Variants in MYBBP1A observed in about 807,000 individuals in gnomAD.
MYBBP1A encodes MYB binding protein 1a, also known as myb-binding protein 1A.
In MYBBP1A, 147 loss-of-function variants were observed where a neutral mutation model predicts 136.3. That is an observed-to-expected ratio of 1.08 (90% CI 0.94 to 1.24). The LOEUF is 1.24. Ranked by LOEUF, MYBBP1A falls within the 50% of genes most tolerant of loss-of-function variation. The pLI is 0.00. For missense variants in MYBBP1A, 2,060 were observed against 1,727.4 expected, an observed-to-expected ratio of 1.19 and a Z score of -3.41; for synonymous variants, 947 against 735.8, an observed-to-expected ratio of 1.29 and a Z score of -4.65.
At position 4,539,896 on chromosome 17, in the gene MYBBP1A, C is replaced by G; in HGVS notation, c.3506G>C (p.Arg1169Pro). ...SATQSPISKKRKKKGFLPETK... is the reference protein window; with the variant it reads ...SATQSPISKKPKKKGFLPETK... ...CTCTGGCAAGAATCCCTTTTTCTTC[C>G]GCTTCTTACTGATGGGGCTCTGGGT... is the stretch of plus-strand genomic sequence containing the variant. Residue 1169 changes from arginine to proline, a missense_variant, in exon 26 of 26, where the codon CGG (arginine) becomes CCG (proline). Physicochemically the swap from Arg to Pro is moderately radical, Grantham distance 103. Coordinates refer to ENST00000254718, the MANE Select transcript of MYBBP1A (RefSeq NM_014520.4). 1 of 1,601,498 alleles carries G rather than the reference C, an allele frequency of 6.2e-7. No homozygotes were observed. Among genetic ancestry groups the G allele is most frequent in the Non-Finnish European group, 8.5e-7 (1 of 1,179,942 alleles).
rs779050285 is a variant in MYBBP1A at position 4,548,482 on chromosome 17, C to T, written c.1556+42G>A. On this transcript the variant is annotated intron_variant, in intron 11 of 25. Transcript: ENST00000254718. The surrounding 1 kb of genome is among the most constrained non-coding windows in gnomAD (Gnocchi z 4.2). Reference sequence around the variant, plus strand: ...CTGGAGGGAGCAGGCGCCCTCAAGGCCTTCCCACCTTCGGACCTCTCCTGG... The same window carrying T: ...CTGGAGGGAGCAGGCGCCCTCAAGGTCTTCCCACCTTCGGACCTCTCCTGG... 1 of 1,613,122 alleles carries T rather than the reference C, an allele frequency of 6.2e-7. No homozygotes were observed. The highest frequency in any genetic ancestry group is 1.1e-5 in the South Asian group (1 of 91,038).
rs766944658 is a variant in MYBBP1A at position 4,542,925 on chromosome 17, G to A, written c.2880C>T (p.Pro960=). 3.1e-6 allele frequency: 5 copies of A among 1,613,972 alleles called. No homozygotes were observed. Among genetic ancestry groups the A allele is most frequent in the East Asian group, 2.2e-5 (1 of 44,882 alleles). The change falls in exon 20 of 26, where the codon CCC becomes CCT. Residue 960 remains proline (P), a synonymous_variant. Coordinates refer to ENST00000254718, the MANE Select transcript of MYBBP1A (RefSeq NM_014520.4). ...QKAGTDPSHM[P]TGPQAASCLD... ...AGGCCCTGCTCACCTGCGGGCCCGT[G>A]GGCATGTGGCTGGGGTCAGTGCCAG...
At chr17:4,547,934 C>T in intron 13 of MYBBP1A, 24 bp downstream of exon 13, 1 of 1,451,386 alleles carries the variant, frequency 6.9e-7, no homozygotes, top group Non-Finnish European at 9.1e-7. Context: ...AGGCTCACAG[C>T]CCCTCCCTCC....
chr17:4,542,883 G>T, intron 20 of MYBBP1A, 30 bp downstream of exon 20: 1 of 1,612,150 alleles, frequency 6.2e-7, no homozygotes, highest in Non-Finnish European at 8.5e-7. Context: ...TGAAATGCCT[G>T]GGGCTGCTCC....
chr17:4,552,131 G>C lies in MYBBP1A; in HGVS notation c.899C>G (p.Pro300Arg). Residue 300 changes from proline (P) to arginine (R), a missense_variant, in exon 7 of 26, where the codon CCA becomes CGA. Pro to Arg is a moderately radical substitution (Grantham distance 103). Transcript: ENST00000254718. This position sits in a 1 kb window ranked among gnomAD's most constrained non-coding sequence, Gnocchi z 4.7. ...GGACACGCGTCGCCCGCACCTGGCT[G>C]GCCAGAACTGCATCTTCAGCAGCCC... ...EQGLLKMQFW[P>R]ASYLCFRLLG... 6.2e-7 allele frequency: 1 copy of C among 1,613,986 alleles called. No individual in the cohort carries two copies. Among genetic ancestry groups the C allele is most frequent in the Non-Finnish European group, 8.5e-7 (1 of 1,179,904 alleles).
intron 9 of MYBBP1A, among the ~76,000 whole-genome samples, 195 bp downstream of exon 9, chr17:4,549,863 G>C (rs1365259476): frequency 6.8e-6 from 1 of 147,850 alleles, no homozygotes; most frequent in Admixed American, 6.7e-5. Context: ...AACACTCCAA[G>C]ATCTCCCCAT....
Position 4,541,538 on chromosome 17 carries a change from C to G in MYBBP1A, c.3222G>C (p.Gln1074His), listed in dbSNP as rs747305912. The change falls in exon 24 of 26, where the codon CAG becomes CAC. Residue 1074 changes from glutamine to histidine, a missense_variant. Coordinates refer to ENST00000254718, the MANE Select transcript of MYBBP1A (RefSeq NM_014520.4). ...GTGCCTGCTGATGCTGCGCCTTGGT[C>G]TGCGCCTCCCCCAGCACGCGCAAGT... ...TENLRVLGEAQTKAQHQQALS... is the reference protein window; with the variant it reads ...TENLRVLGEAHTKAQHQQALS... 3 of 1,613,182 alleles carry G rather than the reference C, an allele frequency of 1.9e-6. No individual in the cohort carries two copies. In the East Asian group the frequency reaches 6.7e-5, roughly 36 times the overall value.
intron 13 of MYBBP1A, among the ~76,000 whole-genome samples, chr17:4,546,228 C>T (rs1177673391): frequency 1.3e-5 from 2 of 152,226 alleles, no homozygotes; most frequent in Non-Finnish European, 2.9e-5. Context: ...AAGCCATTCT[C>T]CTGCCTCAGC....
intron 17 of MYBBP1A, 27 bp downstream of exon 17, chr17:4,544,999 G>GCCCCCCCCCCCCCC: frequency 2.0e-6 from 1 of 498,358 alleles, no homozygotes; most frequent in Non-Finnish European, 2.6e-6. Context: ...CTCCCCGGCC[G>GCCCCCCCCCCCCCC]CCCCCCCCTC....
rs1313855117 is a variant in MYBBP1A at position 4,551,908 on chromosome 17, T to C, written c.995A>G (p.His332Arg). 6.2e-7 allele frequency: 1 copy of C among 1,613,378 alleles called. No homozygotes were observed. The highest frequency in any genetic ancestry group is 1.3e-5 in the African/African-American group (1 of 74,950). ...AGCAGTGCACACGTGCTCCCCGTAA[T>C]GGCGGATCACGTCTCCCTGCATCAC... ...HLVMQGDVIR[H>R]YGEHVCTAKL... The change falls in exon 8 of 26, where the codon CAT (histidine) becomes CGT (arginine). Residue 332 changes from histidine (H) to arginine (R), a missense_variant. Coordinates refer to ENST00000254718, the MANE Select transcript of MYBBP1A (RefSeq NM_014520.4).
Position 4,539,474 on chromosome 17 carries a change from T to G in MYBBP1A, c.3928A>C (p.Ser1310Arg). The change falls in exon 26 of 26, where the codon AGC (serine) becomes CGC (arginine). Residue 1310 changes from serine (S) to arginine (R), a missense_variant. Transcript: ENST00000254718. ...ARLSLVIRSPSLLQSGAKKKA... is the reference protein window; with the variant it reads ...ARLSLVIRSPRLLQSGAKKKA... ...TTCTTGGCCCCACTCTGAAGCAGGC[T>G]GGGACTCCTGATGACCAAAGACAGC... The G allele has an allele frequency of 6.2e-7, 1 of 1,614,176 alleles. No individual in the cohort carries two copies. The highest frequency in any genetic ancestry group is 2.2e-5 in the East Asian group (1 of 44,878).
At chr17:4,544,994 C>CCGCG in intron 17 of MYBBP1A, 32 bp downstream of exon 17, 1 of 1,425,354 alleles carries the variant, frequency 7.0e-7, no homozygotes, top group Non-Finnish European at 9.3e-7. Context: ...GAGCCCTCCC[C>CCGCG]GGCCGCCCCC....
chr17:4,550,440 C>G lies in MYBBP1A; in HGVS notation c.1024-87G>C, dbSNP rs1012037771. ...AACAGCCAAGGGGGCAGGCGGGCAA[C>G]AGCCCAACAGCCCAACAGCCCGGGG... On this transcript the variant is annotated intron_variant, in intron 8 of 25. Coordinates refer to ENST00000254718, the MANE Select transcript of MYBBP1A (RefSeq NM_014520.4). 29 of 1,376,860 alleles carry G rather than the reference C, an allele frequency of 2.1e-5. No homozygotes were observed. In the African/African-American group the frequency reaches 4.1e-4, roughly 19 times the overall value. 85.3% of individuals were successfully genotyped at this position (1,376,860 alleles called of 1,614,324 possible). A position where few individuals can be genotyped will look rare whatever the true frequency, so the allele number is the denominator to read the frequency against.
chr17:4,542,903 C>G lies in MYBBP1A; in HGVS notation c.2892+10G>C. On this transcript the variant is annotated intron_variant, in intron 20 of 25. Transcript: ENST00000254718. Reference sequence around the variant, plus strand: ...TGCCTGGGGCTGCTCCTGGGCCAGGCCCTGCTCACCTGCGGGCCCGTGGGC... The same window carrying G: ...TGCCTGGGGCTGCTCCTGGGCCAGGGCCTGCTCACCTGCGGGCCCGTGGGC... 4 of 1,613,488 alleles carry G rather than the reference C, an allele frequency of 2.5e-6. No homozygotes were observed. The highest frequency in any genetic ancestry group is 3.4e-6 in the Non-Finnish European group (4 of 1,179,814).
At chr17:4,544,696 GC>G in intron 18 of MYBBP1A, 50 bp from the exon 19 acceptor site, 1 of 1,424,248 alleles carries the variant, frequency 7.0e-7, no homozygotes, top group South Asian at 1.4e-5. Flanking sequence ...GCACAGGGAG[GC>G]GGGGGTGGGC....
Position 4,544,514 on chromosome 17 carries a change from G to A in MYBBP1A, c.2614C>T (p.Leu872=). The A allele has an allele frequency of 1.3e-6, 2 of 1,552,980 alleles. No individual in the cohort carries two copies. The highest frequency in any genetic ancestry group is 1.7e-6 in the Non-Finnish European group (2 of 1,148,880). Residue 872 remains leucine (L), a synonymous_variant, in exon 19 of 26, where the codon CTG becomes TTG. Coordinates refer to ENST00000254718, the MANE Select transcript of MYBBP1A (RefSeq NM_014520.4). ...SSSSKQEQDL[L]HKTARIFTHH... ...GTGAAGATGCGCGCCGTCTTGTGCA[G>A]AAGGTCCTGCTCCTGTTTGGAGCTG...
intron 25 of MYBBP1A, 71 bp downstream of exon 25, chr17:4,540,273 CGTGT>C (rs143093770): frequency 2.0e-5 from 29 of 1,472,062 alleles, no homozygotes; most frequent in Middle Eastern, 1.8e-4. Flanking sequence ...GTGTGTGCAG[CGTGT>C]GTGTGTGTGC....
intron 23 of MYBBP1A, 33 bp downstream of exon 23, chr17:4,541,751 G>T (rs762294652): frequency 3.2e-6 from 5 of 1,570,894 alleles, no homozygotes; most frequent in Non-Finnish European, 3.5e-6. Context: ...CTGATTCTGA[G>T]GGGGTGGGGA....
Position 4,539,130 on chromosome 17 carries a change from C to A in MYBBP1A, c.*285G>T, listed in dbSNP as rs1906086413. ...ACCTGCCTGCAGCCAGCACATCAAC[C>A]TGCACCAACCCAGGCAAACACCAGA... On this transcript the variant is annotated 3_prime_UTR_variant, in exon 26 of 26. Coordinates refer to ENST00000254718, the MANE Select transcript of MYBBP1A (RefSeq NM_014520.4). The A allele has an allele frequency of 2.7e-5, 40 of 1,496,706 alleles. No individual in the cohort carries two copies. The South Asian group carries it at 5.0e-4, about 19-fold the overall frequency. 92.7% of individuals were successfully genotyped at this position (1,496,706 alleles called of 1,614,324 possible).
Sources: allele counts gnomAD v4.1 joint callset (sites outside exome capture counted in the v4.1 genomes callset), GRCh38; gene constraint gnomAD v4.1.1; non-coding constraint Gnocchi (gnomAD v3.1); transcripts MANE v1.5; gene names NCBI Gene and HGNC (gene_info 2026-07-23, HGNC 2026-07-21).